The following PPM1A variants were observed in gnomAD, a reference collection of about 807,000 sequenced individuals.
The protein encoded by PPM1A is protein phosphatase, Mg2+/Mn2+ dependent 1A.
A neutral mutation model predicts 35.0 loss-of-function variants in PPM1A; 7 were observed. That is an observed-to-expected ratio of 0.20 (90% confidence interval 0.11 to 0.38). PPM1A has a LOEUF of 0.38. Among genes scored for constraint, PPM1A ranks in the 10% least tolerant of loss-of-function variants. The pLI is 1.00. For synonymous variants in PPM1A, 153 were observed against 167.3 expected (o/e 0.91, Z 0.66); for missense variants, 239 against 467.8 (o/e 0.51, Z 4.51).
At chr14:60,290,874 A>G (rs1398255708) in intron 4 of PPM1A, among the ~76,000 whole-genome samples, 4 of 152,096 alleles carry the variant, frequency 2.6e-5, no homozygotes, top group East Asian at 1.9e-4. Context: ...TAAATATACT[A>G]CAGATTTTTA....
At chr14:60,248,294 C>A (rs901646164), upstream of PPM1A, among the ~76,000 whole-genome samples, 3 of 152,238 alleles carry the variant, frequency 2.0e-5, no homozygotes, top group African/African-American at 7.2e-5. Flanking sequence ...TGATTATTCT[C>A]CTGATTTTGA....
In PPM1A at chr14:60,288,144, C is replaced by T. The variant is rs1018790491; in HGVS notation, c.953-1662C>T. 5.7e-5 allele frequency: 56 copies of T among 984,856 alleles called. No individual in the cohort carries two copies. In the Middle Eastern group the frequency reaches 2.1e-3, roughly 36 times the overall value. The allele number at this position is 984,856 out of a possible 1,614,324, so 61.0% of individuals were successfully genotyped here. On this transcript the variant is annotated intron_variant, in intron 3 of 5. Transcript: ENST00000395076. ...CAGGTAGTTTAAATGCGTTGTCCCA[C>T]GTGGAACAGGAGATATTAACTGTTT...
chr14:60,251,571 GATT>G lies in PPM1A; in HGVS notation c.-21+1897_-21+1899del, dbSNP rs1333889736. Among the ~76,000 whole-genome samples the G allele has an allele frequency of 1.1e-4, 17 of 152,296 alleles. No individual in the cohort carries two copies. The East Asian group carries it at 3.3e-3, about 29-fold the overall frequency. On this transcript the variant is annotated intron_variant, in intron 1 of 5. Transcript: ENST00000395076. ...CCAAATCAGTAAAGCCAGTTGGGCAGATTATATTATCACATGTACTGTCCAGTT... is the reference window on the plus strand; with the variant it reads ...CCAAATCAGTAAAGCCAGTTGGGCAGATATTATCACATGTACTGTCCAGTT...
chr14:60,263,583 T>C (rs957707253), intron 1 of PPM1A, among the ~76,000 whole-genome samples: 4 of 152,176 alleles, frequency 2.6e-5, no homozygotes, highest in African/African-American at 9.7e-5. Context: ...GCATGTATAA[T>C]GGTGGAGGTT....
At position 60,283,542 on chromosome 14, in the gene PPM1A, C is replaced by G. The variant is rs376586016; in HGVS notation, c.834+5C>G. 1.9e-6 allele frequency: 3 copies of G among 1,589,874 alleles called. No homozygotes were observed. Among genetic ancestry groups the G allele is most frequent in the Non-Finnish European group, 2.6e-6 (3 of 1,172,170 alleles). On this transcript the variant is annotated splice_donor_5th_base_variant and intron_variant, in intron 2 of 5. Coordinates refer to ENST00000395076, the MANE Select transcript of PPM1A (RefSeq NM_021003.5). The surrounding 1 kb of genome is among the most constrained non-coding windows in gnomAD (Gnocchi z 6.3). ...GTCGACACCTGTTTGTATAAGGTAG[C>G]TAGACTTTTTTTAAAAACATAAAAT... is the stretch of plus-strand genomic sequence containing the variant.
chr14:60,293,881 T>C lies in PPM1A; in HGVS notation c.*1399T>C, dbSNP rs1887860562. The C allele has an allele frequency of 1.3e-5, 2 of 152,014 alleles. No homozygotes were observed. The highest frequency in any genetic ancestry group is 1.3e-4 in the Admixed American group (2 of 15,232). 9.4% of individuals were successfully genotyped at this position (152,014 alleles called of 1,614,324 possible). On this transcript the variant is annotated 3_prime_UTR_variant, in exon 6 of 6. Transcript: ENST00000395076. This position sits in a 1 kb window ranked among gnomAD's most constrained non-coding sequence, Gnocchi z 4.0. Reference sequence around the variant, plus strand: ...TTAATTTAGGCTTAAATTCCTCTGATTAAGCATGTGAAAGTAAGTTTTAAA... The same window carrying C: ...TTAATTTAGGCTTAAATTCCTCTGACTAAGCATGTGAAAGTAAGTTTTAAA...
Position 60,249,357 on chromosome 14 carries a change from AG to A in PPM1A, c.-333del, listed in dbSNP as rs1212849903. ...GTTGCTCCGGAACGGGTGGTTGGGG[AG>A]GGGGGGGTGGGGGGACTCTAGACAG... On this transcript the variant is annotated 5_prime_UTR_variant, in exon 1 of 6. Transcript: ENST00000395076. This position sits in a 1 kb window ranked among gnomAD's most constrained non-coding sequence, Gnocchi z 4.5. 991 of 206,030 alleles carry A rather than the reference AG, an allele frequency of 4.8e-3. 10 individuals carry two copies. The African/African-American group carries it at 0.1, about 22-fold the overall frequency. 12.8% of individuals were successfully genotyped at this position (206,030 alleles called of 1,614,324 possible). A position where few individuals can be genotyped will look rare whatever the true frequency, so the allele number is the denominator to read the frequency against.
chr14:60,250,584 A>G, intron 1 of PPM1A: 2 of 225,094 alleles, frequency 8.9e-6, no homozygotes, highest in Non-Finnish European at 1.5e-5. Flanking sequence ...ACCTCCCCGC[A>G]AGTTTCCTGC....
Position 60,292,405 on chromosome 14 carries a change from C to G in PPM1A, c.1120-48C>G, listed in dbSNP as rs757298096. On this transcript the variant is annotated intron_variant, in intron 5 of 5. Coordinates refer to ENST00000395076, the MANE Select transcript of PPM1A (RefSeq NM_021003.5). The surrounding 1 kb of genome is among the most constrained non-coding windows in gnomAD (Gnocchi z 4.2). ...ATCCAGAAAGTATGGTGTATTTTGGCACCGCTAAATTTTAACGTTGTTCCT... is the reference window on the plus strand; with the variant it reads ...ATCCAGAAAGTATGGTGTATTTTGGGACCGCTAAATTTTAACGTTGTTCCT... The G allele has an allele frequency of 7.0e-7, 1 of 1,433,046 alleles. No homozygotes were observed. The highest frequency in any genetic ancestry group is 9.8e-7 in the Non-Finnish European group (1 of 1,017,914). The allele number at this position is 1,433,046 out of a possible 1,614,324, so 88.8% of individuals were successfully genotyped here. A position where few individuals can be genotyped will look rare whatever the true frequency, so the allele number is the denominator to read the frequency against.
At chr14:60,290,958 A>G (rs1273976663) in intron 4 of PPM1A, among the ~76,000 whole-genome samples, 1 of 152,116 alleles carries the variant, frequency 6.6e-6, no homozygotes, top group Non-Finnish European at 1.5e-5. Context: ...TTTTAATAGA[A>G]CTTTTGAAAA....
intron 1 of PPM1A, chr14:60,267,313 A>C (rs1884503884): frequency 6.6e-6 from 1 of 152,136 alleles, no homozygotes; most frequent in Non-Finnish European, 1.5e-5. Context: ...ATTAAGGAAT[A>C]AATTTTATCA....
chr14:60,278,946 T>TTGGA (rs1442638166), intron 1 of PPM1A, among the ~76,000 whole-genome samples: 4 of 152,200 alleles, frequency 2.6e-5, no homozygotes, highest in Non-Finnish European at 5.9e-5. Flanking sequence ...ATATGTCACC[T>TTGGA]TGGATGGATG....
At position 60,297,000 on chromosome 14, in the gene PPM1A, A is replaced by T; in HGVS notation, c.*4518A>T. The T allele has an allele frequency of 4.7e-6, 1 of 210,938 alleles. No homozygotes were observed. 13.1% of individuals were successfully genotyped at this position (210,938 alleles called of 1,614,324 possible). A position where few individuals can be genotyped will look rare whatever the true frequency, so the allele number is the denominator to read the frequency against. On this transcript the variant is annotated 3_prime_UTR_variant, in exon 6 of 6. Transcript: ENST00000395076. The surrounding 1 kb of genome is among the most constrained non-coding windows in gnomAD (Gnocchi z 4.4). ...GATGGTATTGAAATTACAGTTGACA[A>T]CTTATATTTTTATGAGATGGAGAAA...
chr14:60,260,664 T>C (rs1883648483), intron 1 of PPM1A, among the ~76,000 whole-genome samples: 1 of 152,164 alleles, frequency 6.6e-6, no homozygotes, highest in Admixed American at 6.5e-5. Flanking sequence ...AGATACCCTG[T>C]ACTCATTAGC....
At chr14:60,275,896 ATT>A (rs2139481557) in intron 1 of PPM1A, among the ~76,000 whole-genome samples, 1 of 74,686 alleles carries the variant, frequency 1.3e-5, no homozygotes, top group African/African-American at 5.2e-5. Flanking sequence ...TAATGTGCTT[ATT>A]TCTCATTACC....
In PPM1A at chr14:60,296,000, G is replaced by A. The variant is rs1263960630; in HGVS notation, c.*3518G>A. 6.6e-6 allele frequency: 1 copy of A among 151,576 alleles called. No individual in the cohort carries two copies. Among genetic ancestry groups the A allele is most frequent in the African/African-American group, 2.4e-5 (1 of 41,356 alleles). The allele number at this position is 151,576 out of a possible 1,614,324, so 9.4% of individuals were successfully genotyped here. Reference sequence around the variant, plus strand: ...GTATCCTTGATTGCATTTATCCAACGGCCTTTATTCTTCCTGCTGACAGCA... The same window carrying A: ...GTATCCTTGATTGCATTTATCCAACAGCCTTTATTCTTCCTGCTGACAGCA... On this transcript the variant is annotated 3_prime_UTR_variant, in exon 6 of 6. Transcript: ENST00000395076.
upstream of PPM1A, among the ~76,000 whole-genome samples, chr14:60,246,516 C>A (rs1049106584): frequency 6.6e-6 from 1 of 152,164 alleles, no homozygotes; most frequent in African/African-American, 2.4e-5. Flanking sequence ...ACTAAAATGT[C>A]ATCATCATGG....
intron 3 of PPM1A, chr14:60,287,639 A>T: frequency 1.0e-6 from 1 of 985,128 alleles, no homozygotes. Flanking sequence ...TGCTTGGAAC[A>T]TTTTTGGCTT....
chr14:60,280,929 G>A lies in PPM1A; in HGVS notation c.-20-1755G>A, dbSNP rs543570005. Among the ~76,000 whole-genome samples the A allele has an allele frequency of 1.4e-4, 21 of 152,202 alleles. No homozygotes were observed. In the East Asian group the frequency reaches 3.7e-3, roughly 27 times the overall value. On this transcript the variant is annotated intron_variant, in intron 1 of 5. Coordinates refer to ENST00000395076, the MANE Select transcript of PPM1A (RefSeq NM_021003.5). ...GGGGTTAATGATGCTTTAGAGTCAC[G>A]CAGACTTGAATCAGAGCCCTGATTC...
Sources: gnomAD v4.1 joint callset for allele counts (sites outside exome capture counted in the v4.1 genomes callset) on GRCh38, gnomAD v4.1.1 for gene constraint, Gnocchi (gnomAD v3.1) non-coding constraint, MANE v1.5 for transcripts, NCBI Gene and HGNC (gene_info 2026-07-23, HGNC 2026-07-21) for gene names.